Variants in SNX8 observed in about 807,000 individuals in gnomAD.
SNX8 encodes the protein sorting nexin-8.
In SNX8, 25 loss-of-function variants were observed where a neutral mutation model predicts 51.6. That is an observed-to-expected ratio of 0.48 (90% CI 0.35 to 0.68). SNX8 has a LOEUF of 0.68. Among genes scored for constraint, SNX8 ranks in the 30% least tolerant of loss-of-function variants. SNX8 has a pLI of 0.00. For missense variants in SNX8, 695 were observed against 624.0 expected (o/e 1.11, Z -1.21); for synonymous variants, 324 against 277.0 (o/e 1.17, Z -1.68).
intron 7 of SNX8, 150 bp from the exon 8 acceptor site, chr7:2,257,953 C>T (rs1052709696): frequency 2.2e-5 from 15 of 675,656 alleles, no homozygotes; most frequent in East Asian, 7.7e-5. Flanking sequence ...GCAGGGGGCC[C>T]CCTTCCCCAC....
intron 1 of SNX8, among the ~76,000 whole-genome samples, chr7:2,282,006 G>A (rs947289943): frequency 6.6e-6 from 1 of 152,178 alleles, no homozygotes; most frequent in African/African-American, 2.4e-5. Context: ...ACTTGGAAGT[G>A]TCTTGCCCCT....
chr7:2,280,967 A>AT (rs955415125), intron 1 of SNX8, among the ~76,000 whole-genome samples: 27 of 152,110 alleles, frequency 1.8e-4, no homozygotes, highest in African/African-American at 6.5e-4. Flanking sequence ...TAATTTTTGT[A>AT]TTTTTAGTAG....
chr7:2,348,994 A>C (rs2115252708), intron 1 of SNX8, among the ~76,000 whole-genome samples: 1 of 150,466 alleles, frequency 6.6e-6, no homozygotes, highest in Admixed American at 6.7e-5. Context: ...ACAAGTTAGC[A>C]AGAGAACTAC....
rs111836768 is a variant in SNX8 at position 2,306,639 on chromosome 7, A to T, written c.94+7689T>A. Among the ~76,000 whole-genome samples the T allele has an allele frequency of 4.7e-4, 71 of 152,352 alleles. 1 individual carries two copies. In the East Asian group the frequency reaches 0.014, roughly 29 times the overall value. On this transcript the variant is annotated intron_variant, in intron 1 of 10. Transcript: ENST00000222990. ...TGAAAGGAACTAACTATAAAGACGC[A>T]TATTCACTATGATGATAACTACATA...
At chr7:2,264,201 G>A (rs1484969970) in intron 6 of SNX8, 97 bp downstream of exon 6, 2 of 1,225,104 alleles carry the variant, frequency 1.6e-6, no homozygotes, top group Non-Finnish European at 2.3e-6. Context: ...TCAGGATGCT[G>A]GTTATTACGG....
upstream of SNX8, among the ~76,000 whole-genome samples, chr7:2,315,745 C>T (rs139362652): frequency 0.015 from 2,171 of 149,694 alleles, 51 homozygotes; most frequent in African/African-American, 0.052. Context: ...CATTCACCCA[C>T]TCACTCACTT....
chr7:2,261,364 C>G (rs1795331102), intron 7 of SNX8, among the ~76,000 whole-genome samples: 1 of 151,818 alleles, frequency 6.6e-6, no homozygotes, highest in African/African-American at 2.4e-5. Context: ...ACCCGGGAGG[C>G]AGAGGTTGCA....
chr7:2,275,724 C>T (rs779731155), intron 2 of SNX8, among the ~76,000 whole-genome samples: 116 of 150,152 alleles, frequency 7.7e-4, no homozygotes, highest in Middle Eastern at 3.6e-3. Flanking sequence ...AAAGGCCGGG[C>T]GCGGTGGCTC....
chr7:2,305,082 G>T (rs763209624), intron 1 of SNX8, among the ~76,000 whole-genome samples: 1 of 152,142 alleles, frequency 6.6e-6, no homozygotes, highest in Non-Finnish European at 1.5e-5. Flanking sequence ...CTGTGCTGCC[G>T]GTGGGTCACC....
chr7:2,323,771 C>T (rs546563602), intron 1 of SNX8, among the ~76,000 whole-genome samples: 15 of 152,274 alleles, frequency 9.9e-5, no homozygotes, highest in African/African-American at 2.9e-4. Flanking sequence ...CACGCTAACA[C>T]GTATTGAATG....
intron 1 of SNX8, among the ~76,000 whole-genome samples, chr7:2,334,178 C>G (rs1022390991): frequency 3.3e-5 from 5 of 151,876 alleles, no homozygotes; most frequent in Admixed American, 1.3e-4. Flanking sequence ...CTGAGGGGGT[C>G]GGATCATGAG....
At chr7:2,280,340 A>C (rs893975119) in intron 1 of SNX8, among the ~76,000 whole-genome samples, 5 of 152,070 alleles carry the variant, frequency 3.3e-5, no homozygotes, top group African/African-American at 1.2e-4. Flanking sequence ...TGTTTTTTAC[A>C]TGTTAGCGCA....
chr7:2,310,128 A>G (rs931948655), intron 1 of SNX8, among the ~76,000 whole-genome samples: 1 of 152,224 alleles, frequency 6.6e-6, no homozygotes, highest in African/African-American at 2.4e-5. Context: ...TCATCTGTAC[A>G]TATTTCTATC....
At chr7:2,347,628 T>C (rs756375561) in intron 1 of SNX8, among the ~76,000 whole-genome samples, 81 of 150,814 alleles carry the variant, frequency 5.4e-4, no homozygotes, top group Non-Finnish European at 1.2e-3. Context: ...TTTTTTTTTT[T>C]TTTGCTCATT....
chr7:2,349,548 G>C (rs1487314852), intron 1 of SNX8, among the ~76,000 whole-genome samples: 2 of 149,950 alleles, frequency 1.3e-5, no homozygotes, highest in Non-Finnish European at 1.5e-5. Flanking sequence ...ATGTTCAAGC[G>C]ATTCTCCTGC....
At chr7:2,272,377 C>CTT (rs796551153) in intron 3 of SNX8, among the ~76,000 whole-genome samples, 5 of 143,972 alleles carry the variant, frequency 3.5e-5, no homozygotes, top group Non-Finnish European at 4.6e-5. Context: ...GTCTTCTTTT[C>CTT]TTTTTTTTTT....
In SNX8 at chr7:2,266,496, G is replaced by A. The variant is rs567299429; in HGVS notation, c.622-2038C>T. On this transcript the variant is annotated intron_variant, in intron 5 of 10. Transcript: ENST00000222990. Reference sequence around the variant, plus strand: ...TGAGTAGCTGGAATTACAGGTGCACGCCACCGCACCCAGCTAATTTTTGTA... The same window carrying A: ...TGAGTAGCTGGAATTACAGGTGCACACCACCGCACCCAGCTAATTTTTGTA... Among the ~76,000 whole-genome samples, 76 of 152,162 alleles carry A rather than the reference G, an allele frequency of 5.0e-4. 3 individuals carry two copies. Among genetic ancestry groups the A allele is most frequent in the Non-Finnish European group, 2.8e-4 (19 of 67,988 alleles).
At chr7:2,265,737 G>T in intron 5 of SNX8, among the ~76,000 whole-genome samples, 1 of 152,312 alleles carries the variant, frequency 6.6e-6, no homozygotes. Flanking sequence ...TCTATGCCGC[G>T]TTTATTCCCA....
chr7:2,354,270 T>G (rs948079297), exon 1 of SNX8: 1 of 152,282 alleles, frequency 6.6e-6, no homozygotes, highest in African/African-American at 2.4e-5. Context: ...GTGGGCCCTC[T>G]CTGGCTCGCC....
Sources: gnomAD v4.1 joint callset for allele counts (sites outside exome capture counted in the v4.1 genomes callset) on GRCh38, gnomAD v4.1.1 for gene constraint, MANE v1.5 for transcripts, NCBI Gene and HGNC (gene_info 2026-07-23, HGNC 2026-07-21) for gene names.